NLGN1: variants seen among roughly 807,000 people sequenced by gnomAD.
The protein encoded by NLGN1 is neuroligin-1.
In NLGN1, 12 loss-of-function variants were observed where a neutral mutation model predicts 65.5. The ratio of observed to expected loss-of-function variants is 0.18; its 90% CI spans 0.12 to 0.30. The LOEUF (loss-of-function observed/expected upper bound fraction) is 0.30. NLGN1 is among the 10% of genes least tolerant of loss of function. The pLI is 1.00. For synonymous variants in NLGN1, 350 were observed against 359.5 expected, an observed-to-expected ratio of 0.97 and a Z score of 0.30; for missense variants, 750 against 1,007.1, an observed-to-expected ratio of 0.74 and a Z score of 3.46.
chr3:173,476,552 A>T (rs1199110704), intron 2 of NLGN1, among the ~76,000 whole-genome samples: 2 of 152,170 alleles, frequency 1.3e-5, no homozygotes, highest in East Asian at 3.9e-4. Flanking sequence ...AAGAATATAG[A>T]GCGTTTGGGG....
At chr3:173,828,056 G>T (rs1189939984) in intron 4 of NLGN1, among the ~76,000 whole-genome samples, 1 of 151,980 alleles carries the variant, frequency 6.6e-6, no homozygotes, top group African/African-American at 2.4e-5. Flanking sequence ...ATTGACACAT[G>T]AAATTAACCA....
chr3:174,040,588 T>C (rs1387322954), intron 4 of NLGN1, among the ~76,000 whole-genome samples: 1 of 151,980 alleles, frequency 6.6e-6, no homozygotes, highest in African/African-American at 2.4e-5. Context: ...ACTGAGAAAA[T>C]GAATAGGCAA....
At chr3:173,992,372 CAGGACTCTAG>C (rs1178337276) in intron 4 of NLGN1, among the ~76,000 whole-genome samples, 6 of 151,558 alleles carry the variant, frequency 4.0e-5, no homozygotes, top group Admixed American at 3.9e-4. Flanking sequence ...AAGCTGCACA[CAGGACTCTAG>C]GGCAGAGATA....
intron 2 of NLGN1, among the ~76,000 whole-genome samples, chr3:173,524,087 A>AT (rs567240021): frequency 0.036 from 5,093 of 140,362 alleles, 191 homozygotes; most frequent in South Asian, 0.08. Flanking sequence ...CGCTCAGCTA[A>AT]TTTTTTTTTT....
chr3:173,758,567 C>T (rs1411197645), intron 3 of NLGN1, among the ~76,000 whole-genome samples: 2 of 151,966 alleles, frequency 1.3e-5, no homozygotes, highest in Admixed American at 6.6e-5. Flanking sequence ...ATCCAAGCTG[C>T]TTACCCAGCC....
At chr3:174,116,693 A>G (rs1341085024) in intron 4 of NLGN1, among the ~76,000 whole-genome samples, 2 of 152,090 alleles carry the variant, frequency 1.3e-5, no homozygotes, top group African/African-American at 2.4e-5. Context: ...AACTGTATAC[A>G]TACTCACATA....
chr3:174,285,131 T>C (rs1751964439), exon 7 of NLGN1: 1 of 151,424 alleles, frequency 6.6e-6, no homozygotes, highest in Non-Finnish European at 1.5e-5. Flanking sequence ...AAGACACTAC[T>C]ACATAGAAAT....
chr3:174,005,088 T>A (rs989978634), intron 4 of NLGN1, among the ~76,000 whole-genome samples: 17 of 152,194 alleles, frequency 1.1e-4, no homozygotes, highest in African/African-American at 3.6e-4. Flanking sequence ...TTATATGCTA[T>A]CTTCATTTAT....
intron 4 of NLGN1, among the ~76,000 whole-genome samples, chr3:174,230,370 T>C (rs572453794): frequency 1.3e-5 from 2 of 152,240 alleles, no homozygotes; most frequent in East Asian, 3.9e-4. Flanking sequence ...AATGAAACTA[T>C]TAAAGATGAA....
intron 4 of NLGN1, chr3:173,912,690 TC>T (rs1739864022): frequency 6.6e-6 from 1 of 152,146 alleles, no homozygotes; most frequent in South Asian, 2.1e-4. Flanking sequence ...GATCTAATAA[TC>T]ATTTAAAATT....
intron 4 of NLGN1, among the ~76,000 whole-genome samples, chr3:174,095,835 A>C (rs1745417538): frequency 6.6e-6 from 1 of 151,860 alleles, no homozygotes; most frequent in Non-Finnish European, 1.5e-5. Flanking sequence ...CCCCATCTCT[A>C]CTAAAAATAC....
chr3:174,088,434 A>G (rs1372697927), intron 4 of NLGN1, among the ~76,000 whole-genome samples: 2 of 152,140 alleles, frequency 1.3e-5, no homozygotes, highest in African/African-American at 4.8e-5. Context: ...AAGAGAGAGA[A>G]TAGGATTTTT....
At position 174,113,235 on chromosome 3, in the gene NLGN1, A is replaced by C. The variant is rs573722122; in HGVS notation, c.647-162080A>C. Among the ~76,000 whole-genome samples, 6 of 152,122 alleles carry C rather than the reference A, an allele frequency of 3.9e-5. No individual in the cohort carries two copies. In the South Asian group the frequency reaches 1.2e-3, roughly 32 times the overall value. On this transcript the variant is annotated intron_variant, in intron 4 of 6. Transcript: ENST00000457714. ...TGTCAATAGTATACAATCTCCAAAA[A>C]ATACATTTTCACATGCAAGTAGGTT...
rs111885658 is a variant in NLGN1, at chr3:174,006,300, T to C, written c.646+198468T>C. On this transcript the variant is annotated intron_variant, in intron 4 of 6. Coordinates refer to ENST00000457714, the Ensembl canonical transcript of NLGN1. ...TCACTCTTTTGTGGCCATCAGTATA[T>C]AGTCATTGATCACAAGAATAAGTAA... 2.5e-3 allele frequency among the ~76,000 whole-genome samples: 378 copies of C among 152,326 alleles called. 2 individuals carry two copies. The highest frequency in any genetic ancestry group is 8.7e-3 in the African/African-American group (361 of 41,572).
intron 2 of NLGN1, among the ~76,000 whole-genome samples, chr3:173,438,022 AT>A (rs11387228): frequency 3.3e-5 from 5 of 151,452 alleles, no homozygotes; most frequent in East Asian, 1.9e-4. Flanking sequence ...GTTACTTTGG[AT>A]TTTTTTTTAA....
At chr3:173,419,842 G>A (rs1714638975) in intron 1 of NLGN1, among the ~76,000 whole-genome samples, 1 of 151,956 alleles carries the variant, frequency 6.6e-6, no homozygotes, top group Admixed American at 6.6e-5. Flanking sequence ...GCGTGGTAGT[G>A]TGTGCCTGTA....
Position 173,549,215 on chromosome 3 carries a change from G to A in NLGN1, c.-320-55064G>A, listed in dbSNP as rs191017457. ...ATCCAGATAAATTATATGTTTGAGAGTATCAAGATTTTTCTTTTCACTCAT... is the reference window on the plus strand; with the variant it reads ...ATCCAGATAAATTATATGTTTGAGAATATCAAGATTTTTCTTTTCACTCAT... On this transcript the variant is annotated intron_variant, in intron 2 of 6. Coordinates refer to ENST00000457714, the Ensembl canonical transcript of NLGN1. Among the ~76,000 whole-genome samples the A allele has an allele frequency of 1.4e-3, 220 of 151,942 alleles. 1 individual carries two copies. The highest frequency in any genetic ancestry group is 3.4e-3 in the Middle Eastern group (1 of 294).
rs142672203 is a variant in NLGN1 at position 174,157,815 on chromosome 3, T to G, written c.647-117500T>G. Among the ~76,000 whole-genome samples the G allele has an allele frequency of 2.8e-4, 43 of 151,874 alleles. No individual in the cohort carries two copies. In the East Asian group the frequency reaches 6.6e-3, roughly 23 times the overall value. ...GAAAACAGATTGGGGCAGAGAGAGA[T>G]AAAAGTTTAGAAGCAGCATCATAAG... On this transcript the variant is annotated intron_variant, in intron 4 of 6. Transcript: ENST00000457714.
chr3:174,123,945 T>G (rs554155431), intron 4 of NLGN1, among the ~76,000 whole-genome samples: 1 of 152,090 alleles, frequency 6.6e-6, no homozygotes, highest in Non-Finnish European at 1.5e-5. Flanking sequence ...CTCTCAAATA[T>G]GTATGTTGAA....
Sources: gnomAD v4.1 joint callset for allele counts (sites outside exome capture counted in the v4.1 genomes callset) on GRCh38, gnomAD v4.1.1 for gene constraint, MANE v1.5 for transcripts, NCBI Gene and HGNC (gene_info 2026-07-23, HGNC 2026-07-21) for gene names.